Variants in ZNF525 observed in about 807,000 individuals in gnomAD.
ZNF525 encodes zinc finger protein 525.
ZNF525 carries 33 observed loss-of-function variants against 37.6 expected under a neutral mutation model. That is an observed-to-expected ratio of 0.88 (90% confidence interval 0.67 to 1.17). ZNF525 has a LOEUF of 1.17. Ranked by LOEUF, ZNF525 falls within the 50% of genes most tolerant of loss-of-function variation. ZNF525 has a pLI of 0.00. For synonymous variants in ZNF525, 170 were observed against 182.3 expected, an observed-to-expected ratio of 0.93 and a Z score of 0.54; for missense variants, 449 against 543.1, an observed-to-expected ratio of 0.83 and a Z score of 1.72.
intron 3 of ZNF525, chr19:53,376,241 A>T (rs898962919): frequency 1.3e-5 from 9 of 705,584 alleles, no homozygotes; most frequent in African/African-American, 3.5e-5. Context: ...CCCGTACCTA[A>T]CTATTGGCTT....
chr19:53,376,404 C>A, intron 3 of ZNF525: 1 of 653,152 alleles, frequency 1.5e-6, no homozygotes, highest in East Asian at 2.8e-5. Context: ...TGCAGAAGAC[C>A]TTACCATTGC....
At chr19:53,368,387 C>G (rs2085462847) in intron 1 of ZNF525, among the ~76,000 whole-genome samples, 1 of 152,186 alleles carries the variant, frequency 6.6e-6, no homozygotes, top group Non-Finnish European at 1.5e-5. Flanking sequence ...CTTCTAGTGA[C>G]TCTGTAAAAG....
rs2085471363 is a variant in ZNF525 at position 53,369,685 on chromosome 19, A to G, written c.-67-2530A>G. 1.4e-5 allele frequency among the ~76,000 whole-genome samples: 2 copies of G among 145,956 alleles called. 1 individual carries two copies. Among genetic ancestry groups the G allele is most frequent in the African/African-American group, 5.3e-5 (2 of 37,990 alleles). The stretch of plus-strand genomic sequence containing the variant: ...AAGGAAGAATTAAACGTCGGGAACC[A>G]AAGGCAACAGAACCTTGCAAAAGAA... On this transcript the variant is annotated intron_variant, in intron 1 of 3. Transcript: ENST00000474037.
chr19:53,376,270 C>T (rs879054005), intron 3 of ZNF525: 2 of 702,742 alleles, frequency 2.8e-6, no homozygotes, highest in Admixed American at 4.0e-5. Context: ...AAACTTTTTG[C>T]ATATGTGTGT....
chr19:53,373,609 C>A (rs1261252570), intron 2 of ZNF525, among the ~76,000 whole-genome samples: 1 of 152,008 alleles, frequency 6.6e-6, no homozygotes, highest in Non-Finnish European at 1.5e-5. Context: ...TCATGTATTT[C>A]TGTATCGTTA....
chr19:53,382,463 T>A lies in ZNF525; in HGVS notation c.*444T>A. On this transcript the variant is annotated 3_prime_UTR_variant, in exon 4 of 4. Coordinates refer to ENST00000474037, the MANE Select transcript of ZNF525 (RefSeq NM_001348156.2). The stretch of plus-strand genomic sequence containing the variant: ...CATGCCTTACACGCCATCATAGACT[T>A]CATACTGGAAATAAATCTTATAAGT... The A allele has an allele frequency of 1.3e-6, 1 of 750,930 alleles. No homozygotes were observed. Among genetic ancestry groups the A allele is most frequent in the Non-Finnish European group, 2.4e-6 (1 of 415,910 alleles). 46.5% of individuals were successfully genotyped at this position (750,930 alleles called of 1,614,324 possible).
chr19:53,376,484 A>G (rs2085523339), intron 3 of ZNF525: 1 of 581,680 alleles, frequency 1.7e-6, no homozygotes, highest in East Asian at 2.9e-5. Context: ...TTGTTTTTTC[A>G]GGTTTGTTTT....
Position 53,383,372 on chromosome 19 carries a change from T to C in ZNF525, c.*1353T>C, listed in dbSNP as rs182279915. 5.1e-6 allele frequency: 6 copies of C among 1,172,340 alleles called. No individual in the cohort carries two copies. In the African/African-American group the frequency reaches 6.1e-5, roughly 12 times the overall value. 72.6% of individuals were successfully genotyped at this position (1,172,340 alleles called of 1,614,324 possible). A position where few individuals can be genotyped will look rare whatever the true frequency, so the allele number is the denominator to read the frequency against. On this transcript the variant is annotated 3_prime_UTR_variant, in exon 4 of 4. Transcript: ENST00000474037. ...AACAAGCACACGTTGCACGTCATCA[T>C]AGAATTCATACTGGAGAGAAACCTT... is the stretch of plus-strand genomic sequence containing the variant.
Position 53,386,298 on chromosome 19 carries a change from C to A in ZNF525, c.*4279C>A, listed in dbSNP as rs4595898. The A allele has an allele frequency of 2.4e-5, 17 of 716,938 alleles. No individual in the cohort carries two copies. The highest frequency in any genetic ancestry group is 5.5e-5 in the East Asian group (2 of 36,612). The allele number at this position is 716,938 out of a possible 1,614,324, so 44.4% of individuals were successfully genotyped here. A position where few individuals can be genotyped will look rare whatever the true frequency, so the allele number is the denominator to read the frequency against. ...CCAAGAAACAAAAGCAAAACCATCCCACTCCCCTGTGGATTCAGATCAAAA... is the reference window on the plus strand; with the variant it reads ...CCAAGAAACAAAAGCAAAACCATCCAACTCCCCTGTGGATTCAGATCAAAA... On this transcript the variant is annotated 3_prime_UTR_variant, in exon 4 of 4. Coordinates refer to ENST00000474037, the MANE Select transcript of ZNF525 (RefSeq NM_001348156.2).
At chr19:53,367,427 C>T (rs1419640062) in intron 1 of ZNF525, among the ~76,000 whole-genome samples, 1 of 152,040 alleles carries the variant, frequency 6.6e-6, no homozygotes, top group African/African-American at 2.4e-5. Context: ...AGGTTTTCTT[C>T]TTTAGGCACA....
intron 1 of ZNF525, among the ~76,000 whole-genome samples, chr19:53,370,511 C>G (rs2147064714): frequency 6.6e-6 from 1 of 152,038 alleles, no homozygotes; most frequent in South Asian, 2.1e-4. Context: ...GCCCAGTGAG[C>G]CTCCCTGCAA....
rs556778431 is a variant in ZNF525, at chr19:53,381,630, G to A, written c.1051G>A (p.Gly351Arg). The part of the protein sequence containing the change: ...YLACHRSIHT[G>R]KKPYECEECD... ...TGCATGCCATCGTAGCATTCATACT[G>A]GAAAGAAACCTTACGAATGTGAAGA... Residue 351 changes from glycine (G) to arginine (R), a missense_variant, in exon 4 of 4, where the codon GGA (glycine) becomes AGA (arginine). Physicochemically the swap from Gly to Arg is moderately radical, Grantham distance 125 (BLOSUM62 -2). Around this residue, in one of 2 missense-constraint regions of ZNF525, gnomAD observed 178 missense variants for 161.5 expected, o/e 1.10. Transcript: ENST00000474037. The A allele has an allele frequency of 1.8e-5, 20 of 1,125,064 alleles. No individual in the cohort carries two copies. The Admixed American group carries it at 2.7e-4, about 15-fold the overall frequency. The allele number at this position is 1,125,064 out of a possible 1,614,324, so 69.7% of individuals were successfully genotyped here.
In ZNF525 at chr19:53,380,940, G is replaced by A; in HGVS notation, c.361G>A (p.Gly121Ser). The change falls in exon 4 of 4, where the codon GGT (glycine) becomes AGT (serine). Residue 121 changes from glycine to serine, a missense_variant. By Grantham distance (56) the Gly-to-Ser change is moderately conservative (BLOSUM62 0). This residue lies in a region of ZNF525 where 271 missense variants were observed against 381.6 expected (regional missense o/e 0.71). Transcript: ENST00000474037. ...CATGACAAAAATCAAAAAATTGATGGGTAGTACAGAGCAATATGATCACAG... is the reference window on the plus strand; with the variant it reads ...CATGACAAAAATCAAAAAATTGATGAGTAGTACAGAGCAATATGATCACAG... ...APMTKIKKLM[G>S]STEQYDHRHA... 1 of 1,546,588 alleles carries A rather than the reference G, an allele frequency of 6.5e-7. No homozygotes were observed. Among genetic ancestry groups the A allele is most frequent in the Non-Finnish European group, 8.9e-7 (1 of 1,118,728 alleles).
chr19:53,372,783 C>T (rs1398058378), intron 2 of ZNF525, among the ~76,000 whole-genome samples: 1 of 152,264 alleles, frequency 6.6e-6, no homozygotes, highest in South Asian at 2.1e-4. Flanking sequence ...TTTCTGACTC[C>T]AAAATCTTAG....
chr19:53,369,635 A>G (rs887012696), intron 1 of ZNF525, among the ~76,000 whole-genome samples: 6 of 146,516 alleles, frequency 4.1e-5, no homozygotes, highest in African/African-American at 7.9e-5. Context: ...TCTGCATTTT[A>G]TAAATGTTAC....
rs1226950087 is a variant in ZNF525, at chr19:53,383,780, G to C, written c.*1761G>C. On this transcript the variant is annotated 3_prime_UTR_variant, in exon 4 of 4. Transcript: ENST00000474037. ...ATTTTTCAGACATCGTTCATACATT[G>C]CCGTTCATTGGCGAACTCATGCTGG... The C allele has an allele frequency of 1.9e-6, 1 of 531,974 alleles. No individual in the cohort carries two copies. The highest frequency in any genetic ancestry group is 1.9e-5 in the African/African-American group (1 of 51,932). 33.0% of individuals were successfully genotyped at this position (531,974 alleles called of 1,614,324 possible).
chr19:53,383,599 G>T lies in ZNF525; in HGVS notation c.*1580G>T. 7.0e-7 allele frequency: 1 copy of T among 1,430,142 alleles called. No homozygotes were observed. The highest frequency in any genetic ancestry group is 9.4e-7 in the Non-Finnish European group (1 of 1,061,606). 88.6% of individuals were successfully genotyped at this position (1,430,142 alleles called of 1,614,324 possible). On this transcript the variant is annotated 3_prime_UTR_variant, in exon 4 of 4. Coordinates refer to ENST00000474037, the MANE Select transcript of ZNF525 (RefSeq NM_001348156.2). ...ATGAGTGTGTCAAAGCCTTTAGTGG[G>T]CAGTCAACACTTATTCACCATCAGG...
intron 1 of ZNF525, among the ~76,000 whole-genome samples, chr19:53,366,838 A>T (rs552200961): frequency 7.3e-5 from 11 of 150,460 alleles, no homozygotes; most frequent in Non-Finnish European, 1.5e-4. Context: ...CGGGGAGAGC[A>T]GAGGAGGCGC....
At position 53,381,025 on chromosome 19, in the gene ZNF525, C is replaced by T. The variant is rs1357628156; in HGVS notation, c.446C>T (p.Ser149Phe). Residue 149 changes from serine (S) to phenylalanine (F), a missense_variant, in exon 4 of 4, where the codon TCT becomes TTT. Ser to Phe is a radical substitution (Grantham distance 155). Coordinates refer to ENST00000474037, the MANE Select transcript of ZNF525 (RefSeq NM_001348156.2). ...QLGSSFHSHL[S>F]ELHIFQPKGK... ...GGATCAAGCTTTCATTCACATCTGT[C>T]TGAACTCCACATATTTCAGCCCAAA... 2 of 1,572,180 alleles carry T rather than the reference C, an allele frequency of 1.3e-6. No homozygotes were observed. Among genetic ancestry groups the T allele is most frequent in the Non-Finnish European group, 1.8e-6 (2 of 1,141,808 alleles).
Sources: allele counts gnomAD v4.1 joint callset (sites outside exome capture counted in the v4.1 genomes callset), GRCh38; gene constraint gnomAD v4.1.1; regional missense constraint gnomAD v4.1.1; transcripts MANE v1.5; gene names NCBI Gene and HGNC (gene_info 2026-07-23, HGNC 2026-07-21).